The following KIAA1328 variants were observed in gnomAD, a reference collection of about 807,000 sequenced individuals.
KIAA1328 encodes the protein protein hinderin.
In KIAA1328, 52 loss-of-function variants were observed where a neutral mutation model predicts 68.1. The ratio of observed to expected loss-of-function variants is 0.76; its 90% CI spans 0.61 to 0.96. The LOEUF (loss-of-function observed/expected upper bound fraction) is 0.96. Among genes scored for constraint, KIAA1328 ranks in the 40% least tolerant of loss-of-function variants. KIAA1328 has a pLI of 0.00. For missense variants in KIAA1328, 641 were observed against 677.6 expected (o/e 0.95, Z 0.60); for synonymous variants, 232 against 239.4 (o/e 0.97, Z 0.28).
intron 6 of KIAA1328, among the ~76,000 whole-genome samples, chr18:37,064,669 G>A (rs1210522020): frequency 6.6e-6 from 1 of 151,854 alleles, no homozygotes; most frequent in Non-Finnish European, 1.5e-5. Flanking sequence ...GTATTACCCA[G>A]GTAGGCCCAA....
intron 9 of KIAA1328, among the ~76,000 whole-genome samples, chr18:37,198,028 A>T (rs937490011): frequency 6.6e-6 from 1 of 152,218 alleles, no homozygotes; most frequent in Non-Finnish European, 1.5e-5. Flanking sequence ...AAAAGGAATG[A>T]AGTAATGATA....
intron 6 of KIAA1328, among the ~76,000 whole-genome samples, chr18:37,016,165 A>C (rs1210503138): frequency 6.6e-6 from 1 of 152,134 alleles, no homozygotes; most frequent in East Asian, 1.9e-4. Context: ...ATTTTGAGGA[A>C]TGTTCCTTTA....
chr18:37,137,858 C>G (rs1316963766), intron 7 of KIAA1328, among the ~76,000 whole-genome samples: 1 of 152,106 alleles, frequency 6.6e-6, no homozygotes, highest in African/African-American at 2.4e-5. Context: ...CAGCTTTTCC[C>G]TCCTGAGGTC....
chr18:37,208,918 G>A (rs2060265163), intron 9 of KIAA1328, among the ~76,000 whole-genome samples: 2 of 152,276 alleles, frequency 1.3e-5, no homozygotes, highest in Middle Eastern at 3.4e-3. Flanking sequence ...ATGATGGACT[G>A]GAATGGGAAG....
intron 7 of KIAA1328, among the ~76,000 whole-genome samples, chr18:37,147,061 A>G (rs1328473932): frequency 6.6e-6 from 1 of 152,144 alleles, no homozygotes; most frequent in Non-Finnish European, 1.5e-5. Flanking sequence ...CTCACCATGT[A>G]CTATCTGCAC....
intron 7 of KIAA1328, among the ~76,000 whole-genome samples, chr18:37,115,513 C>T (rs1481528373): frequency 6.6e-6 from 1 of 152,190 alleles, no homozygotes; most frequent in Non-Finnish European, 1.5e-5. Context: ...TGGGACGTAT[C>T]TTGAAATAAT....
chr18:36,991,738 G>T (rs1447479025), intron 6 of KIAA1328, among the ~76,000 whole-genome samples: 1 of 152,188 alleles, frequency 6.6e-6, no homozygotes, highest in East Asian at 1.9e-4. Context: ...GCCCTACCAT[G>T]GCTGGGCCTC....
chr18:36,916,150 T>C (rs2151089864), intron 5 of KIAA1328, among the ~76,000 whole-genome samples: 1 of 152,350 alleles, frequency 6.6e-6, no homozygotes, highest in Non-Finnish European at 1.5e-5. Flanking sequence ...CAGCCATTAT[T>C]TCTTGCAGTA....
rs2052156827 is a variant in KIAA1328 at position 36,970,603 on chromosome 18, A to G, written c.576+11168A>G. 5.3e-5 allele frequency among the ~76,000 whole-genome samples: 8 copies of G among 152,360 alleles called. No individual in the cohort carries two copies. In the South Asian group the frequency reaches 1.7e-3, roughly 32 times the overall value. On this transcript the variant is annotated intron_variant, in intron 6 of 9. Transcript: ENST00000280020. ...CTTAAGCTGATAAGCAACTTCAGCA[A>G]AGTCTCAGGATACAAAATCAGTGTG...
chr18:37,169,499 T>C lies in KIAA1328; in HGVS notation c.1415-3474T>C, dbSNP rs534944150. On this transcript the variant is annotated intron_variant, in intron 8 of 9. Coordinates refer to ENST00000280020, the MANE Select transcript of KIAA1328 (RefSeq NM_020776.3). Reference sequence around the variant, plus strand: ...ATTTATTTTTAAGCATATGTTGTTATTGTGTGTGTGTGTCTGTGTTTGTGT... The same window carrying C: ...ATTTATTTTTAAGCATATGTTGTTACTGTGTGTGTGTGTCTGTGTTTGTGT... Among the ~76,000 whole-genome samples, 12 of 151,898 alleles carry C rather than the reference T, an allele frequency of 7.9e-5. No homozygotes were observed. In the East Asian group the frequency reaches 2.3e-3, roughly 29 times the overall value.
At chr18:37,028,336 G>T (rs2054678913) in intron 6 of KIAA1328, among the ~76,000 whole-genome samples, 1 of 152,056 alleles carries the variant, frequency 6.6e-6, no homozygotes, top group African/African-American at 2.4e-5. Flanking sequence ...CCCTCAGCTT[G>T]GATGTTGTTG....
chr18:36,893,437 G>T (rs2048758210), intron 5 of KIAA1328, among the ~76,000 whole-genome samples: 1 of 127,602 alleles, frequency 7.8e-6, no homozygotes, highest in Admixed American at 8.3e-5. Flanking sequence ...CTGGCTATTT[G>T]TGTGTGTGTG....
intron 7 of KIAA1328, among the ~76,000 whole-genome samples, chr18:37,092,110 A>T (rs550324986): frequency 6.6e-6 from 1 of 152,064 alleles, no homozygotes; most frequent in Admixed American, 6.5e-5. Flanking sequence ...GCTGTTGCCA[A>T]CATGCACCAT....
At chr18:36,829,303 C>T (rs1219436125) in intron 1 of KIAA1328, 107 bp downstream of exon 1, 3 of 1,416,018 alleles carry the variant, frequency 2.1e-6, no homozygotes, top group Admixed American at 3.0e-5. Context: ...CGAACTAACC[C>T]CGGGGATGGG....
intron 4 of KIAA1328, among the ~76,000 whole-genome samples, chr18:36,844,512 C>T (rs758155582): frequency 9.9e-5 from 15 of 151,918 alleles, no homozygotes; most frequent in Non-Finnish European, 1.9e-4. Context: ...TTTACATTTT[C>T]TTATTTACTT....
chr18:37,074,295 AT>A (rs2056634860), intron 7 of KIAA1328, among the ~76,000 whole-genome samples: 1 of 152,086 alleles, frequency 6.6e-6, no homozygotes, highest in Non-Finnish European at 1.5e-5. Flanking sequence ...AACTCACCAC[AT>A]TGTTGTTTTT....
intron 7 of KIAA1328, among the ~76,000 whole-genome samples, chr18:37,127,284 T>C (rs2058416292): frequency 6.6e-6 from 1 of 152,212 alleles, no homozygotes; most frequent in Non-Finnish European, 1.5e-5. Flanking sequence ...CAAAGGGCAA[T>C]TAGAAGTTGC....
Position 37,223,079 on chromosome 18 carries a change from C to T in KIAA1328, c.*852C>T. 1 of 972,416 alleles carries T rather than the reference C, an allele frequency of 1.0e-6. No homozygotes were observed. The highest frequency in any genetic ancestry group is 1.2e-6 in the Non-Finnish European group (1 of 824,278). The allele number at this position is 972,416 out of a possible 1,614,324, so 60.2% of individuals were successfully genotyped here. ...CCCCCCACCCCCCATCACACGTGCT[C>T]CTGTGAACTTTCCATGGTTATGTCT... On this transcript the variant is annotated 3_prime_UTR_variant, in exon 10 of 10. Transcript: ENST00000280020.
intron 9 of KIAA1328, among the ~76,000 whole-genome samples, chr18:37,194,730 G>A (rs1404751967): frequency 6.6e-6 from 1 of 152,016 alleles, no homozygotes; most frequent in Non-Finnish European, 1.5e-5. Flanking sequence ...GCGGGATCTC[G>A]GCTCACTGCA....
Sources: gnomAD v4.1 joint callset for allele counts (sites outside exome capture counted in the v4.1 genomes callset) on GRCh38, gnomAD v4.1.1 for gene constraint, MANE v1.5 for transcripts, NCBI Gene and HGNC (gene_info 2026-07-23, HGNC 2026-07-21) for gene names.